Variants in PPP1R9A observed in about 807,000 individuals in gnomAD.
PPP1R9A encodes the protein neurabin-1.
PPP1R9A carries 59 observed loss-of-function variants against 141.9 expected under a neutral mutation model. The observed-to-expected ratio is 0.42, with a 90% CI of 0.34 to 0.52. The LOEUF (loss-of-function observed/expected upper bound fraction) is 0.52. Among genes scored for constraint, PPP1R9A ranks in the 20% least tolerant of loss-of-function variants. The pLI is 0.10. For synonymous variants in PPP1R9A, 500 were observed against 569.7 expected, an observed-to-expected ratio of 0.88 and a Z score of 1.74; for missense variants, 1,444 against 1,611.9, an observed-to-expected ratio of 0.90 and a Z score of 1.78.
At chr7:95,037,024 T>A (rs889596950) in intron 2 of PPP1R9A, 1 of 152,172 alleles carries the variant, frequency 6.6e-6, no homozygotes, top group South Asian at 2.1e-4. Context: ...GAGAGCAAAG[T>A]CACTGTACCC....
At position 95,293,832 on chromosome 7, in the gene PPP1R9A, A is replaced by T. The variant is rs1484117199; in HGVS notation, c.*3529A>T. 2 of 152,234 alleles carry T rather than the reference A, an allele frequency of 1.3e-5. No individual in the cohort carries two copies. The highest frequency in any genetic ancestry group is 2.9e-5 in the Non-Finnish European group (2 of 68,046). The allele number at this position is 152,234 out of a possible 1,614,324, so 9.4% of individuals were successfully genotyped here. On this transcript the variant is annotated 3_prime_UTR_variant, in exon 20 of 20. Transcript: ENST00000433360. The stretch of plus-strand genomic sequence containing the variant: ...TTATAAAAGGGAAATGAAAATTTGC[A>T]TTTATATAGATACTCTGATTCATGT...
intron 2 of PPP1R9A, among the ~76,000 whole-genome samples, chr7:95,096,767 G>T (rs1449467016): frequency 6.6e-6 from 1 of 152,078 alleles, no homozygotes; most frequent in Non-Finnish European, 1.5e-5. Context: ...CTGTTATTGG[G>T]TTCTTCTGTC....
At chr7:95,069,252 G>A (rs1434722486) in intron 2 of PPP1R9A, among the ~76,000 whole-genome samples, 1 of 152,108 alleles carries the variant, frequency 6.6e-6, no homozygotes, top group Non-Finnish European at 1.5e-5. Context: ...GAGGGATGGA[G>A]GACAAGAATC....
chr7:94,954,537 C>T (rs1796857520), intron 2 of PPP1R9A, among the ~76,000 whole-genome samples: 1 of 151,596 alleles, frequency 6.6e-6, no homozygotes, highest in African/African-American at 2.4e-5. Context: ...TTTTTGTGTC[C>T]TTATTTTTTA....
At chr7:95,146,715 A>G (rs1174372413) in intron 4 of PPP1R9A, among the ~76,000 whole-genome samples, 1 of 152,108 alleles carries the variant, frequency 6.6e-6, no homozygotes, top group African/African-American at 2.4e-5. Flanking sequence ...TTCTGCATAT[A>G]GCTAGCTAGT....
intron 2 of PPP1R9A, among the ~76,000 whole-genome samples, chr7:95,056,870 CATTA>C (rs1384516360): frequency 2.6e-5 from 4 of 152,036 alleles, no homozygotes; most frequent in African/African-American, 9.7e-5. Flanking sequence ...TATGTTTGGA[CATTA>C]ATTATGTCAT....
At chr7:95,115,572 T>C (rs1821335463) in intron 3 of PPP1R9A, among the ~76,000 whole-genome samples, 1 of 152,036 alleles carries the variant, frequency 6.6e-6, no homozygotes, top group Admixed American at 6.6e-5. Flanking sequence ...ACTACAATTG[T>C]GAATATATAT....
At chr7:95,066,210 G>A (rs1010525553) in intron 2 of PPP1R9A, among the ~76,000 whole-genome samples, 3 of 152,194 alleles carry the variant, frequency 2.0e-5, no homozygotes, top group Non-Finnish European at 2.9e-5. Context: ...AGGAAACACT[G>A]TGTGGATACA....
At chr7:95,282,110 G>A (rs188047886) in intron 16 of PPP1R9A, among the ~76,000 whole-genome samples, 59 of 139,932 alleles carry the variant, frequency 4.2e-4, no homozygotes, top group Admixed American at 1.5e-3. Flanking sequence ...ACCTGTAATC[G>A]CAGCACTTTG....
chr7:95,037,606 T>C (rs1443530327), intron 2 of PPP1R9A, among the ~76,000 whole-genome samples: 2 of 152,226 alleles, frequency 1.3e-5, no homozygotes, highest in East Asian at 3.8e-4. Context: ...TAAGTTGCTC[T>C]CTATCATTAG....
intron 16 of PPP1R9A, among the ~76,000 whole-genome samples, chr7:95,283,343 T>C (rs1304746834): frequency 6.6e-6 from 1 of 152,116 alleles, no homozygotes; most frequent in Non-Finnish European, 1.5e-5. Context: ...CAAACACATA[T>C]GAGATACATA....
chr7:95,189,589 A>G (rs931778218), intron 5 of PPP1R9A, among the ~76,000 whole-genome samples: 5 of 150,780 alleles, frequency 3.3e-5, no homozygotes, highest in African/African-American at 4.9e-5. Flanking sequence ...GGCGCCCGCC[A>G]CTACGCCCGG....
intron 8 of PPP1R9A, among the ~76,000 whole-genome samples, chr7:95,229,744 C>T (rs1188110026): frequency 6.6e-6 from 1 of 152,074 alleles, no homozygotes; most frequent in Non-Finnish European, 1.5e-5. Flanking sequence ...CTGCTGACTG[C>T]CTGAGAAACC....
chr7:95,027,650 CTTTA>C (rs1359335728), intron 2 of PPP1R9A, among the ~76,000 whole-genome samples: 2 of 152,134 alleles, frequency 1.3e-5, no homozygotes, highest in East Asian at 3.9e-4. Flanking sequence ...ACATCATGGA[CTTTA>C]TTTAAACCTA....
At chr7:94,936,806 G>A (rs1301963837) in intron 2 of PPP1R9A, among the ~76,000 whole-genome samples, 1 of 152,026 alleles carries the variant, frequency 6.6e-6, no homozygotes, top group Non-Finnish European at 1.5e-5. Flanking sequence ...GTTTTGTTTA[G>A]TAAATGACCA....
chr7:95,211,468 C>G (rs73431071), intron 7 of PPP1R9A, among the ~76,000 whole-genome samples: 12,346 of 152,126 alleles, frequency 0.081, 1,238 homozygotes, highest in African/African-American at 0.23. Flanking sequence ...ATAGTTCTGC[C>G]AAGTTGTTCA....
intron 12 of PPP1R9A, among the ~76,000 whole-genome samples, chr7:95,259,197 A>C (rs1800056724): frequency 6.6e-6 from 1 of 152,274 alleles, no homozygotes; most frequent in African/African-American, 2.4e-5. Context: ...ACTAGAAGAA[A>C]ATACAGGGGT....
chr7:95,123,199 CAT>C (rs1251894892), intron 4 of PPP1R9A, among the ~76,000 whole-genome samples: 1 of 152,174 alleles, frequency 6.6e-6, no homozygotes, highest in Non-Finnish European at 1.5e-5. Flanking sequence ...TATTCTTCTA[CAT>C]AGTTTCATTA....
intron 2 of PPP1R9A, among the ~76,000 whole-genome samples, chr7:95,100,274 A>G (rs1818588691): frequency 6.6e-6 from 1 of 151,978 alleles, no homozygotes; most frequent in African/African-American, 2.4e-5. Flanking sequence ...AATAATAAAT[A>G]ATTTAAAAAT....
Sources: gnomAD v4.1 joint callset for allele counts (sites outside exome capture counted in the v4.1 genomes callset) on GRCh38, gnomAD v4.1.1 for gene constraint, MANE v1.5 for transcripts, NCBI Gene and HGNC (gene_info 2026-07-23, HGNC 2026-07-21) for gene names.